PLB1: variants seen among roughly 807,000 people sequenced by gnomAD.
PLB1 encodes phospholipase B1, membrane-associated.
A neutral mutation model predicts 227.4 loss-of-function variants in PLB1; 242 were observed. That is an observed-to-expected ratio of 1.06 (90% CI 0.96 to 1.18). The LOEUF is 1.18. Ranked by LOEUF, PLB1 falls within the 50% of genes most tolerant of loss-of-function variation. The pLI, the probability that PLB1 is intolerant of heterozygous loss-of-function variation, is 0.00. For missense variants in PLB1, 1,858 were observed against 1,816.3 expected (o/e 1.02, Z -0.42); for synonymous variants, 757 against 682.2 (o/e 1.11, Z -1.71).
chr2:28,538,173 C>T (rs1671959952), intron 9 of PLB1, 146 bp from the exon 10 acceptor site: 2 of 910,672 alleles, frequency 2.2e-6, no homozygotes, highest in Admixed American at 2.0e-5. Flanking sequence ...TCTGGGAATT[C>T]TGTCCTCCTT....
At position 28,620,899 on chromosome 2, in the gene PLB1, C is replaced by G. The variant is rs372574243; in HGVS notation, c.3448C>G (p.Pro1150Ala). 1.7e-5 allele frequency: 27 copies of G among 1,613,896 alleles called. No homozygotes were observed. Among genetic ancestry groups the G allele is most frequent in the Non-Finnish European group, 2.0e-5 (24 of 1,179,956 alleles). The stretch of plus-strand genomic sequence containing the variant: ...TAAAGACATTCTGAAGAAGTTCAAC[C>G]CTTACCTCCTTGGCTTCTCTACCAG... ...TLPNILKKFN[P>A]YLLGFSTSTW... Residue 1150 changes from proline to alanine, a missense_variant, in exon 49 of 58, where the codon CCT becomes GCT. By Grantham distance (27) the Pro-to-Ala change is conservative. Coordinates refer to ENST00000327757, the MANE Select transcript of PLB1 (RefSeq NM_153021.5).
At chr2:28,535,172 A>G (rs913271526) in intron 9 of PLB1, among the ~76,000 whole-genome samples, 2 of 152,272 alleles carry the variant, frequency 1.3e-5, no homozygotes, top group Non-Finnish European at 1.5e-5. Context: ...GGTTCAAAAC[A>G]TATGACAAAA....
intron 1 of PLB1, among the ~76,000 whole-genome samples, chr2:28,503,829 A>G (rs1325885772): frequency 1.3e-5 from 2 of 152,214 alleles, no homozygotes; most frequent in East Asian, 1.9e-4. Context: ...CTATGAGTCA[A>G]TGCAAGTTTC....
intron 1 of PLB1, among the ~76,000 whole-genome samples, chr2:28,512,682 TTTC>T (rs1032020552): frequency 6.9e-6 from 1 of 145,590 alleles, no homozygotes; most frequent in Non-Finnish European, 1.5e-5. Flanking sequence ...TTTTTTTTTC[TTTC>T]TTCTTTTTTT....
At chr2:28,516,681 C>T in intron 1 of PLB1, 127 bp from the exon 2 acceptor site, 1 of 809,228 alleles carries the variant, frequency 1.2e-6, no homozygotes, top group Admixed American at 2.2e-5. Context: ...ATCTGGGCTT[C>T]CCTAACACAG....
At position 28,563,196 on chromosome 2, in the gene PLB1, G is replaced by T. The variant is rs143556343; in HGVS notation, c.1206+97G>T. The stretch of plus-strand genomic sequence containing the variant: ...ATGGAGAGAGAAGGTCTCACGCCTG[G>T]CTCTTAGATGCTACCATCTCGGGTC... On this transcript the variant is annotated intron_variant, in intron 18 of 57. Coordinates refer to ENST00000327757, the MANE Select transcript of PLB1 (RefSeq NM_153021.5). The T allele has an allele frequency of 1.9e-4, 230 of 1,200,464 alleles. 1 individual carries two copies. The East Asian group carries it at 4.9e-3, about 25-fold the overall frequency. 74.4% of individuals were successfully genotyped at this position (1,200,464 alleles called of 1,614,324 possible).
intron 23 of PLB1, among the ~76,000 whole-genome samples, chr2:28,580,950 A>G (rs1036753684): frequency 2.6e-5 from 4 of 152,118 alleles, no homozygotes; most frequent in African/African-American, 9.7e-5. Flanking sequence ...CTTTCTTGGC[A>G]TCAAAGTCAC....
chr2:28,510,633 T>TC (rs1359342231), intron 1 of PLB1, among the ~76,000 whole-genome samples: 1 of 147,302 alleles, frequency 6.8e-6, no homozygotes, highest in Non-Finnish European at 1.5e-5. Context: ...CTCTTTTTTT[T>TC]TTTTTTTTGA....
chr2:28,595,784 CAA>C (rs978316078), intron 33 of PLB1: 39 of 151,436 alleles, frequency 2.6e-4, no homozygotes, highest in African/African-American at 9.2e-4. Context: ...CCCTGGGAAA[CAA>C]AGTGAAAAGA....
At chr2:28,592,536 C>T in intron 31 of PLB1, 125 bp from the exon 32 acceptor site, 2 of 946,862 alleles carry the variant, frequency 2.1e-6, no homozygotes, top group East Asian at 2.4e-5. Context: ...ACTGTGCACA[C>T]CCAGCCCTGC....
intron 20 of PLB1, among the ~76,000 whole-genome samples, chr2:28,571,847 A>G (rs1181909584): frequency 6.6e-6 from 1 of 152,196 alleles, no homozygotes; most frequent in African/African-American, 2.4e-5. Flanking sequence ...GGAAGAAAAT[A>G]CAGGAGCAAA....
intron 37 of PLB1, 107 bp from the exon 38 acceptor site, chr2:28,601,792 G>C (rs1304688072): frequency 3.2e-6 from 3 of 937,518 alleles, no homozygotes; most frequent in African/African-American, 1.6e-5. Context: ...GGAGGCTAGA[G>C]GGGGAACAAG....
chr2:28,565,371 A>C lies in PLB1; in HGVS notation c.1280+18A>C, dbSNP rs1676712334. ...TCCTGGAGGTGAGTGAGGGTGTGGC[A>C]AGGCCCCAAAGGCCCCTTCATTGCA... On this transcript the variant is annotated intron_variant, in intron 19 of 57. Coordinates refer to ENST00000327757, the MANE Select transcript of PLB1 (RefSeq NM_153021.5). The C allele has an allele frequency of 1.9e-6, 3 of 1,586,538 alleles. No homozygotes were observed. The highest frequency in any genetic ancestry group is 1.8e-5 in the Admixed American group (1 of 56,592).
chr2:28,606,047 A>T, intron 42 of PLB1, 99 bp downstream of exon 42: 5 of 915,984 alleles, frequency 5.5e-6, no homozygotes, highest in Non-Finnish European at 8.7e-6. Flanking sequence ...CTGAGGGGGC[A>T]GTGGCTGGTA....
At position 28,543,051 on chromosome 2, in the gene PLB1, G is replaced by T. The variant is rs117490216; in HGVS notation, c.880-161G>T. ...CCTCAGGGCCCTGACCCCAGACGGT[G>T]GTCCCATAAGTGCCCCTGTTATTGA... On this transcript the variant is annotated intron_variant, in intron 13 of 57. Coordinates refer to ENST00000327757, the MANE Select transcript of PLB1 (RefSeq NM_153021.5). Among the ~76,000 whole-genome samples the T allele has an allele frequency of 0.016, 2,494 of 152,222 alleles. 301 individuals carry two copies. In the East Asian group the frequency reaches 0.33, roughly 20 times the overall value.
chr2:28,530,397 G>A (rs145381071), intron 8 of PLB1, among the ~76,000 whole-genome samples: 8 of 152,270 alleles, frequency 5.3e-5, no homozygotes, highest in African/African-American at 1.4e-4. Context: ...TGCAGCAAAG[G>A]GTTTTGGGAG....
At chr2:28,506,055 T>C (rs1667605645) in intron 1 of PLB1, among the ~76,000 whole-genome samples, 1 of 152,226 alleles carries the variant, frequency 6.6e-6, no homozygotes, top group Admixed American at 6.5e-5. Flanking sequence ...TCTAGGACTT[T>C]ATTGTCAATC....
At chr2:28,521,057 G>A (rs560287506) in intron 4 of PLB1, among the ~76,000 whole-genome samples, 15 of 152,094 alleles carry the variant, frequency 9.9e-5, no homozygotes, top group Non-Finnish European at 1.9e-4. Flanking sequence ...TTTGTGACTG[G>A]CTTCACTTAG....
At chr2:28,563,556 G>A (rs1676379974) in intron 18 of PLB1, among the ~76,000 whole-genome samples, 1 of 150,624 alleles carries the variant, frequency 6.6e-6, no homozygotes, top group South Asian at 2.1e-4. Context: ...CAGGGCAAGT[G>A]CTAATGGGGG....
Sources: gnomAD v4.1 joint callset for allele counts (sites outside exome capture counted in the v4.1 genomes callset) on GRCh38, gnomAD v4.1.1 for gene constraint, MANE v1.5 for transcripts, NCBI Gene and HGNC (gene_info 2026-07-23, HGNC 2026-07-21) for gene names.